AKAP6: variants seen among roughly 807,000 people sequenced by gnomAD.
The protein encoded by AKAP6 is A-kinase anchoring protein 6.
In AKAP6, 58 loss-of-function variants were observed where a neutral mutation model predicts 188.5. That is an observed-to-expected ratio of 0.31 (90% CI 0.25 to 0.38). AKAP6 has a LOEUF of 0.38. Ranked by LOEUF, AKAP6 falls within the 10% of genes least tolerant of loss-of-function variation. The pLI, the probability that AKAP6 is intolerant of heterozygous loss-of-function variation, is 1.00. For synonymous variants in AKAP6, 989 were observed against 998.6 expected (o/e 0.99, Z 0.18); for missense variants, 2,710 against 2,740.0 (o/e 0.99, Z 0.24).
chr14:32,454,720 T>C (rs865864343), intron 2 of AKAP6, among the ~76,000 whole-genome samples: 76 of 5,308 alleles, frequency 0.014, no homozygotes, highest in African/African-American at 0.026. Context: ...TCCCTCCTTC[T>C]CTCCTTCCCT....
intron 7 of AKAP6, among the ~76,000 whole-genome samples, chr14:32,676,245 C>G (rs982546007): frequency 6.6e-6 from 1 of 152,100 alleles, no homozygotes; most frequent in Non-Finnish European, 1.5e-5. Flanking sequence ...TCTCTGTAAT[C>G]TCAATTTTCT....
rs778790045 is a variant in AKAP6, at chr14:32,822,008, G to C, written c.4195G>C (p.Asp1399His). 1.9e-6 allele frequency: 3 copies of C among 1,613,856 alleles called. No homozygotes were observed. The highest frequency in any genetic ancestry group is 8.5e-7 in the Non-Finnish European group (1 of 1,179,928). The change falls in exon 13 of 14, where the codon GAC (aspartate) becomes CAC (histidine). Residue 1399 changes from aspartate to histidine, a missense_variant. Coordinates refer to ENST00000280979, the MANE Select transcript of AKAP6 (RefSeq NM_004274.5). The stretch of plus-strand genomic sequence containing the variant: ...AAGTAACCTTGAAACTGAACATCTG[G>C]ACCCACAAATGGGAGATGCAGTTAA... ...SPSNLETEHL[D>H]PQMGDAVNVL...
intron 9 of AKAP6, among the ~76,000 whole-genome samples, chr14:32,722,280 G>A (rs889061791): frequency 5.3e-5 from 8 of 152,126 alleles, no homozygotes; most frequent in African/African-American, 1.7e-4. Flanking sequence ...TGGAATGCAA[G>A]CAGTACAAGG....
At chr14:32,421,982 A>G (rs959737405) in intron 1 of AKAP6, among the ~76,000 whole-genome samples, 2 of 152,184 alleles carry the variant, frequency 1.3e-5, no homozygotes, top group Non-Finnish European at 1.5e-5. Flanking sequence ...TATGCATGGC[A>G]TCTGCCAGTC....
intron 5 of AKAP6, among the ~76,000 whole-genome samples, chr14:32,596,977 G>C (rs1283591649): frequency 6.6e-6 from 1 of 152,084 alleles, no homozygotes; most frequent in Non-Finnish European, 1.5e-5. Flanking sequence ...TGGTTAATGG[G>C]TGCACCTGAA....
chr14:32,608,835 G>A (rs1340818257), intron 7 of AKAP6, among the ~76,000 whole-genome samples: 1 of 152,024 alleles, frequency 6.6e-6, no homozygotes. Flanking sequence ...ATAATATAGA[G>A]TAAACACATT....
chr14:32,621,099 C>T (rs1886799777), intron 7 of AKAP6, among the ~76,000 whole-genome samples: 1 of 151,910 alleles, frequency 6.6e-6, no homozygotes, highest in Admixed American at 6.6e-5. Context: ...AATGGTCTGT[C>T]AATTTTATTT....
At chr14:32,669,456 G>A (rs1377151264) in intron 7 of AKAP6, among the ~76,000 whole-genome samples, 2 of 152,138 alleles carry the variant, frequency 1.3e-5, no homozygotes, top group African/African-American at 2.4e-5. Context: ...TTAGAATAAG[G>A]TGAGTTATTT....
chr14:32,717,210 C>A (rs763024432), intron 9 of AKAP6, among the ~76,000 whole-genome samples: 2 of 152,230 alleles, frequency 1.3e-5, no homozygotes, highest in South Asian at 2.1e-4. Context: ...GAAAAGTTAT[C>A]CCTTGTTGTG....
chr14:32,780,331 G>A (rs1464981854), intron 12 of AKAP6, among the ~76,000 whole-genome samples: 1 of 151,496 alleles, frequency 6.6e-6, no homozygotes, highest in Non-Finnish European at 1.5e-5. Flanking sequence ...ACTTATATAT[G>A]GAATCTAAAA....
In AKAP6 at chr14:32,824,799, A is replaced by G. The variant is rs2034634255; in HGVS notation, c.*26A>G. The stretch of plus-strand genomic sequence containing the variant: ...AATGTACCCCCTCCCCAAGCATGAA[A>G]ATCATCTCACTGAAAGGTACGTATA... On this transcript the variant is annotated 3_prime_UTR_variant, in exon 13 of 14. Transcript: ENST00000280979. 1 of 1,591,860 alleles carries G rather than the reference A, an allele frequency of 6.3e-7. No homozygotes were observed. Among genetic ancestry groups the G allele is most frequent in the Non-Finnish European group, 8.5e-7 (1 of 1,171,038 alleles).
chr14:32,789,356 C>T (rs1321569976), intron 12 of AKAP6, among the ~76,000 whole-genome samples: 1 of 152,236 alleles, frequency 6.6e-6, no homozygotes, highest in Non-Finnish European at 1.5e-5. Flanking sequence ...ACGCAACACA[C>T]CTGCTCTACC....
chr14:32,543,306 C>T (rs1191813526), intron 3 of AKAP6, among the ~76,000 whole-genome samples: 1 of 152,182 alleles, frequency 6.6e-6, no homozygotes, highest in Non-Finnish European at 1.5e-5. Context: ...ATTTGTCTTT[C>T]TGTGCCTTGC....
At chr14:32,506,933 C>G (rs1880910131) in intron 2 of AKAP6, among the ~76,000 whole-genome samples, 1 of 152,102 alleles carries the variant, frequency 6.6e-6, no homozygotes, top group Non-Finnish European at 1.5e-5. Context: ...ACACACACTT[C>G]TTAGGAAAAC....
intron 7 of AKAP6, among the ~76,000 whole-genome samples, chr14:32,661,565 G>A (rs1204261950): frequency 6.6e-6 from 1 of 152,076 alleles, no homozygotes; most frequent in Non-Finnish European, 1.5e-5. Flanking sequence ...TGCAGAAAGT[G>A]ACCCAAGTAC....
chr14:32,386,507 C>T (rs753853431), intron 1 of AKAP6, among the ~76,000 whole-genome samples: 3 of 152,050 alleles, frequency 2.0e-5, no homozygotes, highest in African/African-American at 4.8e-5. Context: ...GGATATTAGT[C>T]CACAGTCAGA....
intron 2 of AKAP6, among the ~76,000 whole-genome samples, chr14:32,499,346 A>AAG (rs1555334080): frequency 4.0e-5 from 6 of 151,036 alleles, no homozygotes; most frequent in South Asian, 2.1e-4. Context: ...AAAAAAAAAA[A>AAG]AGAGAGAAAG....
Position 32,698,010 on chromosome 14 carries a change from C to T in AKAP6, c.3000+1900C>T, listed in dbSNP as rs186585547. Reference sequence around the variant, plus strand: ...AACATAGCTCTGCTCATTAGACCAGCACTAACTTTACATTTGGCTTATAAG... The same window carrying T: ...AACATAGCTCTGCTCATTAGACCAGTACTAACTTTACATTTGGCTTATAAG... On this transcript the variant is annotated intron_variant, in intron 9 of 13. Coordinates refer to ENST00000280979, the MANE Select transcript of AKAP6 (RefSeq NM_004274.5). Among the ~76,000 whole-genome samples the T allele has an allele frequency of 1.6e-4, 24 of 152,240 alleles. 1 individual carries two copies. The highest frequency in any genetic ancestry group is 1.0e-3 in the Admixed American group (16 of 15,284).
At chr14:32,666,200 T>C (rs961799663) in intron 7 of AKAP6, among the ~76,000 whole-genome samples, 172 of 152,154 alleles carry the variant, frequency 1.1e-3, no homozygotes, top group African/African-American at 3.2e-3. Context: ...ATATCTATTA[T>C]AAGTTTTAAA....
Sources: gnomAD v4.1 joint callset for allele counts (sites outside exome capture counted in the v4.1 genomes callset) on GRCh38, gnomAD v4.1.1 for gene constraint, MANE v1.5 for transcripts, NCBI Gene and HGNC (gene_info 2026-07-23, HGNC 2026-07-21) for gene names.